EDIL3: variants seen among roughly 807,000 people sequenced by gnomAD.
The protein encoded by EDIL3 is EGF like and discoidin domains 3.
A neutral mutation model predicts 67.4 loss-of-function variants in EDIL3; 37 were observed. The observed-to-expected ratio is 0.55, with a 90% CI of 0.42 to 0.72. The LOEUF is 0.72. Ranked by LOEUF, EDIL3 falls within the 30% of genes least tolerant of loss-of-function variation. The pLI is 0.00. For synonymous variants in EDIL3, 195 were observed against 196.3 expected (o/e 0.99, Z 0.05); for missense variants, 527 against 586.3 (o/e 0.90, Z 1.04).
chr5:84,230,763 A>ATGTGTG (rs59552122), intron 2 of EDIL3, among the ~76,000 whole-genome samples: 1,803 of 137,178 alleles, frequency 0.013, 26 homozygotes, highest in African/African-American at 0.028. Context: ...CCACTACGTG[A>ATGTGTG]TGTGTGTGTG....
intron 3 of EDIL3, among the ~76,000 whole-genome samples, chr5:84,194,855 C>T (rs1743670097): frequency 6.6e-6 from 1 of 151,808 alleles, no homozygotes; most frequent in South Asian, 2.1e-4. Flanking sequence ...GCTCATAAAA[C>T]AGTAAGGTTT....
At chr5:84,332,136 A>T (rs528033431) in intron 1 of EDIL3, among the ~76,000 whole-genome samples, 1 of 152,288 alleles carries the variant, frequency 6.6e-6, no homozygotes, top group African/African-American at 2.4e-5. Context: ...TGAGAGTCCA[A>T]GGTGGGAGGA....
At chr5:84,220,661 T>C (rs1368904228) in intron 3 of EDIL3, among the ~76,000 whole-genome samples, 2 of 152,190 alleles carry the variant, frequency 1.3e-5, no homozygotes, top group Non-Finnish European at 2.9e-5. Flanking sequence ...ACCCTCATTT[T>C]TGTTCATGTA....
Position 84,250,055 on chromosome 5 carries a change from A to G in EDIL3, c.196+4029T>C, listed in dbSNP as rs551400497. 9.2e-5 allele frequency among the ~76,000 whole-genome samples: 14 copies of G among 152,346 alleles called. No individual in the cohort carries two copies. In the East Asian group the frequency reaches 2.3e-3, roughly 25 times the overall value. On this transcript the variant is annotated intron_variant, in intron 2 of 10. Coordinates refer to ENST00000296591, the MANE Select transcript of EDIL3 (RefSeq NM_005711.5). ...AATGTGAGTGAGTAATTGGGAAGCA[A>G]TTTGCGGCTTAGCCACATGGTGGTC...
chr5:83,978,715 G>A (rs1460921607), intron 9 of EDIL3, among the ~76,000 whole-genome samples: 1 of 151,964 alleles, frequency 6.6e-6, no homozygotes, highest in East Asian at 1.9e-4. Flanking sequence ...GGTATGGATT[G>A]GAAATGAGAA....
intron 4 of EDIL3, among the ~76,000 whole-genome samples, chr5:84,139,652 C>T (rs971641315): frequency 6.6e-6 from 1 of 152,100 alleles, no homozygotes; most frequent in African/African-American, 2.4e-5. Context: ...TGGTTAATGT[C>T]TTCATATCTT....
At chr5:84,150,559 A>G (rs1302854612) in intron 4 of EDIL3, among the ~76,000 whole-genome samples, 2 of 152,188 alleles carry the variant, frequency 1.3e-5, no homozygotes, top group Non-Finnish European at 2.9e-5. Flanking sequence ...ATTTGTCATT[A>G]GAGTATATAA....
chr5:84,283,105 T>C (rs1745736499), intron 1 of EDIL3, among the ~76,000 whole-genome samples: 1 of 152,044 alleles, frequency 6.6e-6, no homozygotes, highest in Admixed American at 6.6e-5. Context: ...TGGGCTGATG[T>C]GTTCAGTATT....
Position 84,154,693 on chromosome 5 carries a change from C to CTTTTTTTT in EDIL3, c.356-17347_356-17340dup, listed in dbSNP as rs397881707. On this transcript the variant is annotated intron_variant, in intron 4 of 10. Transcript: ENST00000296591. ...CTCCTGGAGCCCTCTTCTGCTTCTG[C>CTTTTTTTT]TTTTTTTTTTTTTTTTTTTTTTTAA... Among the ~76,000 whole-genome samples, 57 of 92,310 alleles carry CTTTTTTTT rather than the reference C, an allele frequency of 6.2e-4. 2 individuals are homozygous for CTTTTTTTT. The highest frequency in any genetic ancestry group is 2.4e-3 in the African/African-American group (57 of 24,060). The allele number at this position is 92,310 out of a possible 152,430, so 60.6% of individuals were successfully genotyped here.
intron 5 of EDIL3, among the ~76,000 whole-genome samples, chr5:84,131,733 G>A (rs182013362): frequency 6.6e-6 from 1 of 152,128 alleles, no homozygotes; most frequent in Admixed American, 6.6e-5. Flanking sequence ...CAACATACAT[G>A]AACTGGTGAA....
chr5:83,959,805 C>G (rs1372705223), intron 10 of EDIL3, among the ~76,000 whole-genome samples: 1 of 150,404 alleles, frequency 6.6e-6, no homozygotes, highest in South Asian at 2.1e-4. Flanking sequence ...CATAAAATAT[C>G]TAGTAGAACT....
chr5:84,049,127 A>C (rs546236485), intron 9 of EDIL3, among the ~76,000 whole-genome samples: 174 of 152,330 alleles, frequency 1.1e-3, no homozygotes, highest in African/African-American at 3.9e-3. Flanking sequence ...CTGGGTAAAG[A>C]AGCTGAAAAA....
chr5:84,357,673 G>A (rs1021041625), intron 1 of EDIL3, among the ~76,000 whole-genome samples: 7 of 152,102 alleles, frequency 4.6e-5, no homozygotes, highest in Non-Finnish European at 8.8e-5. Context: ...TGGATCACTT[G>A]AGGTCAGGAC....
At chr5:84,158,091 A>G (rs141016904) in intron 4 of EDIL3, among the ~76,000 whole-genome samples, 5 of 152,208 alleles carry the variant, frequency 3.3e-5, no homozygotes, top group Non-Finnish European at 7.4e-5. Context: ...ATGAGGAAAG[A>G]TTCTTTAAAA....
At chr5:84,351,797 A>G (rs1747367234) in intron 1 of EDIL3, among the ~76,000 whole-genome samples, 1 of 152,130 alleles carries the variant, frequency 6.6e-6, no homozygotes, top group Non-Finnish European at 1.5e-5. Flanking sequence ...TTAATCTAAA[A>G]AAAAACTAAA....
At chr5:84,073,257 A>C (rs1207391005) in intron 6 of EDIL3, among the ~76,000 whole-genome samples, 1 of 152,158 alleles carries the variant, frequency 6.6e-6, no homozygotes, top group East Asian at 1.9e-4. Flanking sequence ...ATGGGCAAAA[A>C]CTGGAAGCAT....
intron 4 of EDIL3, among the ~76,000 whole-genome samples, chr5:84,172,634 G>A (rs560591852): frequency 6.6e-6 from 1 of 152,100 alleles, no homozygotes; most frequent in Admixed American, 6.5e-5. Flanking sequence ...AAAAGAAAAA[G>A]AGGAAAGAAT....
At chr5:84,009,045 C>T (rs1745473927) in intron 9 of EDIL3, among the ~76,000 whole-genome samples, 1 of 152,174 alleles carries the variant, frequency 6.6e-6, no homozygotes, top group African/African-American at 2.4e-5. Flanking sequence ...CTCCTGGTTT[C>T]CAGTGATCTG....
At chr5:84,090,959 A>C (rs10038469) in intron 6 of EDIL3, among the ~76,000 whole-genome samples, 2,994 of 152,012 alleles carry the variant, frequency 0.02, 41 homozygotes, top group Non-Finnish European at 0.031. Flanking sequence ...AAAAACAAAA[A>C]AAAAAAGAAA....
Sources: allele counts gnomAD v4.1 joint callset (sites outside exome capture counted in the v4.1 genomes callset), GRCh38; gene constraint gnomAD v4.1.1; transcripts MANE v1.5; gene names NCBI Gene and HGNC (gene_info 2026-07-23, HGNC 2026-07-21).